The following SIRT6 variants were observed in gnomAD, a reference collection of about 807,000 sequenced individuals.
SIRT6 encodes the protein sirtuin 6, also known as NAD-dependent protein deacylase sirtuin-6.
SIRT6 carries 21 observed loss-of-function variants against 33.6 expected under a neutral mutation model. That is an observed-to-expected ratio of 0.62 (90% CI 0.44 to 0.90). The LOEUF is 0.90. SIRT6 is among the 40% of genes least tolerant of loss of function. The pLI, the probability that SIRT6 is intolerant of heterozygous loss-of-function variation, is 0.00. For missense variants in SIRT6, 504 were observed against 510.6 expected (o/e 0.99, Z 0.12); for synonymous variants, 221 against 223.9 (o/e 0.99, Z 0.12).
chr19:4,174,335 AG>A lies in SIRT6; in HGVS notation c.*281del. 3.2e-6 allele frequency: 1 copy of A among 312,454 alleles called. No individual in the cohort carries two copies. 19.4% of individuals were successfully genotyped at this position (312,454 alleles called of 1,614,324 possible). A position where few individuals can be genotyped will look rare whatever the true frequency, so the allele number is the denominator to read the frequency against. On this transcript the variant is annotated 3_prime_UTR_variant, in exon 8 of 8. Coordinates refer to ENST00000337491, the MANE Select transcript of SIRT6 (RefSeq NM_016539.4). The surrounding 1 kb of genome is among the most constrained non-coding windows in gnomAD (Gnocchi z 4.2). Reference sequence around the variant, plus strand: ...TTCACTCCTGTTTAAGCTGGAGACCAGGGAGGGCCCAGCCTCACCTCTGGAC... The same window carrying A: ...TTCACTCCTGTTTAAGCTGGAGACCAGGAGGGCCCAGCCTCACCTCTGGAC...
intron 6 of SIRT6, 168 bp downstream of exon 6, chr19:4,175,512 A>AGTGTGT: frequency 1.5e-6 from 1 of 653,670 alleles, no homozygotes; most frequent in South Asian, 2.0e-5. Flanking sequence ...TGAGGTGACG[A>AGTGTGT]GTGTGTGTGA....
chr19:4,175,573 C>G (rs1967243369), intron 6 of SIRT6, 107 bp downstream of exon 6: 7 of 1,164,116 alleles, frequency 6.0e-6, no homozygotes, highest in Middle Eastern at 5.8e-4. Flanking sequence ...GAAGCCTCCC[C>G]TCACTGCCTG....
chr19:4,175,008 G>C lies in SIRT6; in HGVS notation c.738+20C>G, dbSNP rs773595770. 1 of 1,603,440 alleles carries C rather than the reference G, an allele frequency of 6.2e-7. No homozygotes were observed. On this transcript the variant is annotated intron_variant, in intron 7 of 7. Transcript: ENST00000337491. ...GAGGGTGCATGGTGGCCCTGGGCAG[G>C]GGTAGGCTCAGACACCTACGTGCTT... is the stretch of plus-strand genomic sequence containing the variant.
At chr19:4,179,721 C>T (rs1034401592) in intron 2 of SIRT6, among the ~76,000 whole-genome samples, 1 of 152,318 alleles carries the variant, frequency 6.6e-6, no homozygotes, top group South Asian at 2.1e-4. Context: ...ATCCTCTGGC[C>T]CCAAGAGTCA....
intron 3 of SIRT6, among the ~76,000 whole-genome samples, chr19:4,177,344 C>A (rs2145166783): frequency 6.6e-6 from 1 of 152,196 alleles, no homozygotes; most frequent in African/African-American, 2.4e-5. Context: ...ACCAACCTCT[C>A]TGAGCCCAAG....
chr19:4,175,214 C>T, intron 6 of SIRT6, 63 bp from the exon 7 acceptor site: 2 of 1,535,214 alleles, frequency 1.3e-6, no homozygotes, highest in Non-Finnish European at 1.7e-6. Flanking sequence ...CGAGCCAGCC[C>T]TGGGGGCCGG....
At position 4,179,234 on chromosome 19, in the gene SIRT6, C is replaced by A; in HGVS notation, c.247G>T (p.Asp83Tyr). Residue 83 changes from aspartate to tyrosine, a missense_variant, in exon 3 of 8, where the codon GAC becomes TAC. Transcript: ENST00000337491. ...MEERGLAPKF[D>Y]TTFESARPTQ... ...GGCCGCGCGCTCTCAAAGGTGGTGT[C>A]GAACTTGGGGGCCAGACCTCGCTCC... The A allele has an allele frequency of 1.9e-6, 3 of 1,610,058 alleles. No individual in the cohort carries two copies. The highest frequency in any genetic ancestry group is 2.5e-6 in the Non-Finnish European group (3 of 1,178,716).
rs200742459 is a variant in SIRT6, at chr19:4,179,213, G to A, written c.268C>T (p.Arg90Trp). The change falls in exon 3 of 8, where the codon CGG becomes TGG. Residue 90 changes from arginine (R) to tryptophan (W), a missense_variant. Physicochemically the swap from Arg to Trp is moderately radical, Grantham distance 101. Coordinates refer to ENST00000337491, the MANE Select transcript of SIRT6 (RefSeq NM_016539.4). ...PKFDTTFESA[R>W]PTQTHMALVQ... ...AGCGCCATGTGGGTCTGCGTGGGCCGCGCGCTCTCAAAGGTGGTGTCGAAC... is the reference window on the plus strand; with the variant it reads ...AGCGCCATGTGGGTCTGCGTGGGCCACGCGCTCTCAAAGGTGGTGTCGAAC... The A allele has an allele frequency of 1.9e-5, 30 of 1,611,004 alleles. No homozygotes were observed. Among genetic ancestry groups the A allele is most frequent in the Admixed American group, 5.0e-5 (3 of 59,510 alleles).
rs1266703172 is a variant in SIRT6, at chr19:4,175,952, A to C, written c.438-15T>G. ...GGACGTACTGCCTGTGTCAGGGAGG[A>C]AGGGGGAGGATGGGACCAGGTGAGC... is the stretch of plus-strand genomic sequence containing the variant. On this transcript the variant is annotated splice_polypyrimidine_tract_variant and intron_variant, in intron 4 of 7. Transcript: ENST00000337491. 9 of 1,555,762 alleles carry C rather than the reference A, an allele frequency of 5.8e-6. No homozygotes were observed. The highest frequency in any genetic ancestry group is 7.8e-6 in the Non-Finnish European group (9 of 1,149,944).
rs146571039 is a variant in SIRT6, at chr19:4,179,205, C to T, written c.276G>A (p.Thr92=). The T allele has an allele frequency of 3.8e-4, 612 of 1,611,714 alleles. 3 individuals are homozygous for T. The African/African-American group carries it at 7.5e-3, about 20-fold the overall frequency. The change falls in exon 3 of 8, where the codon ACG becomes ACA. Residue 92 remains threonine, a synonymous_variant. Coordinates refer to ENST00000337491, the MANE Select transcript of SIRT6 (RefSeq NM_016539.4). The stretch of plus-strand genomic sequence containing the variant: ...GCTGCACCAGCGCCATGTGGGTCTG[C>T]GTGGGCCGCGCGCTCTCAAAGGTGG... ...FDTTFESARP[T]QTHMALVQLE...
Position 4,175,013 on chromosome 19 carries a change from G to T in SIRT6, c.738+15C>A. On this transcript the variant is annotated intron_variant, in intron 7 of 7. Transcript: ENST00000337491. The stretch of plus-strand genomic sequence containing the variant: ...TGCATGGTGGCCCTGGGCAGGGGTA[G>T]GCTCAGACACCTACGTGCTTGGTGG... The T allele has an allele frequency of 6.2e-7, 1 of 1,602,166 alleles. No individual in the cohort carries two copies.
At chr19:4,178,088 G>A (rs1238923404) in intron 3 of SIRT6, among the ~76,000 whole-genome samples, 5 of 146,878 alleles carry the variant, frequency 3.4e-5, no homozygotes, top group African/African-American at 1.0e-4. Context: ...GTGCAGTGGC[G>A]CCATCTCGGC....
In SIRT6 at chr19:4,174,862, C is replaced by CTTCATGAGCCT; in HGVS notation, c.822_823insAGGCTCATGAA (p.Ala275ArgfsTer78). 1 of 1,600,190 alleles carries CTTCATGAGCCT rather than the reference C, an allele frequency of 6.2e-7. No individual in the cohort carries two copies. The highest frequency in any genetic ancestry group is 8.5e-7 in the Non-Finnish European group (1 of 1,179,382). ...TCCAGCACACGGGGGCCGTCCCAGG[C>CTTCATGAGCCT]GGGGATCTCCAGCCCCAGGTGCTTC... On this transcript the variant is annotated frameshift_variant, in exon 8 of 8. Coordinates refer to ENST00000337491, the MANE Select transcript of SIRT6 (RefSeq NM_016539.4). LOFTEE classifies it low-confidence loss of function (END_TRUNC). This position sits in a 1 kb window ranked among gnomAD's most constrained non-coding sequence, Gnocchi z 4.2.
chr19:4,176,991 C>T (rs1272713096), intron 4 of SIRT6, 88 bp downstream of exon 4: 2 of 1,191,888 alleles, frequency 1.7e-6, no homozygotes, highest in South Asian at 1.4e-5. Flanking sequence ...CCCCAGTCCC[C>T]CCATACCCTC....
Position 4,176,415 on chromosome 19 carries a change from C to A in SIRT6, c.438-478G>T, listed in dbSNP as rs141026131. On this transcript the variant is annotated intron_variant, in intron 4 of 7. Transcript: ENST00000337491. ...ACCAGCCTGGCCAATATGGTGAAAC[C>A]CCGTCTCTACTAAAAATACAAATAT... Among the ~76,000 whole-genome samples, 693 of 152,286 alleles carry A rather than the reference C, an allele frequency of 4.6e-3. 27 individuals carry two copies. The highest frequency in any genetic ancestry group is 0.039 in the Admixed American group (594 of 15,276).
chr19:4,182,520 G>GC lies in SIRT6; in HGVS notation c.19dup (p.Ala7GlyfsTer81). 6.2e-7 allele frequency: 1 copy of GC among 1,611,254 alleles called. No individual in the cohort carries two copies. The highest frequency in any genetic ancestry group is 8.5e-7 in the Non-Finnish European group (1 of 1,179,014). The stretch of plus-strand genomic sequence containing the variant: ...CTTGTCCGCGTACGGCGACAGCCCC[G>GC]CCGCGTAATTCACCGACATCCTCGA... On this transcript the variant is annotated frameshift_variant, in exon 1 of 8. Transcript: ENST00000337491. LOFTEE classifies it high-confidence loss of function.
intron 1 of SIRT6, among the ~76,000 whole-genome samples, chr19:4,181,767 G>A (rs995751420): frequency 6.6e-6 from 1 of 152,120 alleles, no homozygotes; most frequent in African/African-American, 2.4e-5. Context: ...ACTCCAGCCT[G>A]GGCGACAGAG....
intron 3 of SIRT6, among the ~76,000 whole-genome samples, chr19:4,178,405 G>A (rs910962838): frequency 6.6e-6 from 1 of 152,128 alleles, no homozygotes. Context: ...CTCAACAACT[G>A]ACCTGGCTGT....
intron 1 of SIRT6, 25 bp from the exon 2 acceptor site, chr19:4,180,934 G>A (rs1272968334): frequency 6.3e-7 from 1 of 1,595,676 alleles, no homozygotes; most frequent in East Asian, 2.2e-5. Flanking sequence ...AGCAGACGGA[G>A]GGGTCAAAAC....
Sources: allele counts gnomAD v4.1 joint callset (sites outside exome capture counted in the v4.1 genomes callset), GRCh38; gene constraint gnomAD v4.1.1; non-coding constraint Gnocchi (gnomAD v3.1); transcripts MANE v1.5; gene names NCBI Gene and HGNC (gene_info 2026-07-23, HGNC 2026-07-21).